The following FRMD6 variants were observed in gnomAD, a reference collection of about 807,000 sequenced individuals.
FRMD6 encodes FERM domain-containing protein 6.
Under a neutral mutation model 73.2 loss-of-function variants are expected in FRMD6, and 37 were observed. That is an observed-to-expected ratio of 0.51 (90% CI 0.39 to 0.66). The LOEUF (loss-of-function observed/expected upper bound fraction) is 0.66, where lower values mean the gene tolerates loss of function less well. Ranked by LOEUF, FRMD6 falls within the 30% of genes least tolerant of loss-of-function variation. The pLI is 0.00. For synonymous variants in FRMD6, 273 were observed against 282.2 expected, an observed-to-expected ratio of 0.97 and a Z score of 0.33; for missense variants, 714 against 780.5, an observed-to-expected ratio of 0.91 and a Z score of 1.02.
intron 2 of FRMD6, among the ~76,000 whole-genome samples, chr14:51,644,654 A>C (rs112079888): frequency 5.9e-5 from 9 of 152,354 alleles, no homozygotes; most frequent in African/African-American, 2.2e-4. Context: ...TCTGTATTGT[A>C]CATAAAACTA....
At position 51,515,942 on chromosome 14, in the gene FRMD6, A is replaced by G. The variant is rs573668653; in HGVS notation, c.-210+26522A>G. ...GGCTTTAAGGGAGCTGAGACACTGC[A>G]AAGTAGTTACTCTAGTAATGCAAAG... is the stretch of plus-strand genomic sequence containing the variant. On this transcript the variant is annotated intron_variant, in intron 1 of 14. Coordinates refer to the FRMD6 transcript ENST00000356218. Among the ~76,000 whole-genome samples the G allele has an allele frequency of 1.9e-4, 29 of 152,346 alleles. No homozygotes were observed. In the South Asian group the frequency reaches 4.6e-3, roughly 24 times the overall value.
chr14:51,451,394 G>A, the FRMD6 span, among the ~76,000 whole-genome samples: 2 of 152,198 alleles, frequency 1.3e-5, no homozygotes, highest in East Asian at 1.9e-4. Context: ...ATATATGTAT[G>A]ATAGAGTCTT....
chr14:51,586,542 T>G (rs1021326816), intron 2 of FRMD6, among the ~76,000 whole-genome samples: 74 of 152,280 alleles, frequency 4.9e-4, no homozygotes, highest in Non-Finnish European at 1.0e-4. Flanking sequence ...ACTCTCTTGA[T>G]TGTTTCTTTT....
intron 2 of FRMD6, among the ~76,000 whole-genome samples, chr14:51,580,146 G>GTGTGTA (rs1555323448): frequency 6.6e-6 from 1 of 152,052 alleles, no homozygotes; most frequent in Non-Finnish European, 1.5e-5. Flanking sequence ...GTGTGTGTGT[G>GTGTGTA]TGTATGTTTG....
the FRMD6 span, among the ~76,000 whole-genome samples, chr14:51,437,844 A>G: frequency 2.0e-5 from 3 of 152,204 alleles, no homozygotes; most frequent in Non-Finnish European, 2.9e-5. Flanking sequence ...ACTGTACAGA[A>G]TCAACACCAC....
At chr14:51,612,342 C>G (rs2139871142) in intron 2 of FRMD6, among the ~76,000 whole-genome samples, 1 of 152,294 alleles carries the variant, frequency 6.6e-6, no homozygotes, top group Middle Eastern at 3.4e-3. Context: ...CATGAAAACA[C>G]TCCATCTCTC....
chr14:51,705,668 A>G (rs1896583519), intron 6 of FRMD6, among the ~76,000 whole-genome samples: 1 of 152,090 alleles, frequency 6.6e-6, no homozygotes, highest in Non-Finnish European at 1.5e-5. Flanking sequence ...GGTAGTGTGT[A>G]TTTGATTTTT....
the FRMD6 span, among the ~76,000 whole-genome samples, chr14:51,452,001 A>G: frequency 6.6e-6 from 1 of 152,232 alleles, no homozygotes. Flanking sequence ...TGGGATGCCC[A>G]TGGAATGCTT....
At chr14:51,713,107 T>C (rs1055732510) in intron 9 of FRMD6, among the ~76,000 whole-genome samples, 1 of 144,842 alleles carries the variant, frequency 6.9e-6, no homozygotes, top group African/African-American at 2.4e-5. Flanking sequence ...GCTATATCCG[T>C]TTTTTGGTAG....
chr14:51,443,385 A>G, the FRMD6 span, among the ~76,000 whole-genome samples: 1 of 152,204 alleles, frequency 6.6e-6, no homozygotes, highest in African/African-American at 2.4e-5. Flanking sequence ...CAAAATGGAT[A>G]TGACTCAGCT....
At chr14:51,448,608 C>G in the FRMD6 span, among the ~76,000 whole-genome samples, 1 of 152,150 alleles carries the variant, frequency 6.6e-6, no homozygotes, top group Non-Finnish European at 1.5e-5. Context: ...AAAGAGGGAC[C>G]ATGGTCATTT....
the FRMD6 span, among the ~76,000 whole-genome samples, chr14:51,444,222 C>G: frequency 0.016 from 2,365 of 152,354 alleles, 30 homozygotes; most frequent in Middle Eastern, 0.051. Flanking sequence ...AGCCACCACG[C>G]CCAGCAGTGG....
At chr14:51,684,244 A>G (rs1158010484) in intron 1 of FRMD6, among the ~76,000 whole-genome samples, 1 of 151,906 alleles carries the variant, frequency 6.6e-6, no homozygotes, top group African/African-American at 2.4e-5. Flanking sequence ...ATTTTCAGGT[A>G]CTGTTATCAA....
chr14:51,490,743 A>T (rs543179664), intron 1 of FRMD6, among the ~76,000 whole-genome samples: 68 of 152,286 alleles, frequency 4.5e-4, no homozygotes, highest in African/African-American at 1.5e-3. Flanking sequence ...CAGAATTCTT[A>T]AGGTGGCCCA....
chr14:51,477,098 T>C, the FRMD6 span, among the ~76,000 whole-genome samples: 1 of 152,174 alleles, frequency 6.6e-6, no homozygotes, highest in Non-Finnish European at 1.5e-5. Context: ...GAAGAAAACT[T>C]TCCTGCCTGC....
At chr14:51,550,270 GT>G (rs61023115) in intron 1 of FRMD6, among the ~76,000 whole-genome samples, 19,153 of 151,876 alleles carry the variant, frequency 0.13, 1,449 homozygotes, top group Non-Finnish European at 0.16. Context: ...ACAATTACTG[GT>G]TCTGTTGTCC....
At chr14:51,402,749 C>G in the FRMD6 span, among the ~76,000 whole-genome samples, 2 of 151,892 alleles carry the variant, frequency 1.3e-5, no homozygotes, top group East Asian at 3.9e-4. Flanking sequence ...CGCCATTCTC[C>G]TGCCTCAGCC....
At chr14:51,606,774 G>A (rs2139839701) in intron 2 of FRMD6, among the ~76,000 whole-genome samples, 1 of 152,248 alleles carries the variant, frequency 6.6e-6, no homozygotes, top group South Asian at 2.1e-4. Context: ...TGGAGACTCT[G>A]GGATGCTCAG....
At position 51,698,158 on chromosome 14, in the gene FRMD6, A is replaced by G. The variant is rs1896066037; in HGVS notation, c.116A>G (p.His39Arg). The change falls in exon 3 of 14, where the codon CAC becomes CGC. Residue 39 changes from histidine to arginine, a missense_variant. Physicochemically the swap from His to Arg is conservative, Grantham distance 29. Coordinates refer to ENST00000344768, the MANE Select transcript of FRMD6 (RefSeq NM_001267046.2). ...CCCCTACAGGTTAAGATTCTGTGTCACCAGTTGCTGGTCCAGGTTTGTGAC... is the reference window on the plus strand; with the variant it reads ...CCCCTACAGGTTAAGATTCTGTGTCGCCAGTTGCTGGTCCAGGTTTGTGAC... ...NIIINVKILC[H>R]QLLVQVCDLL... is the part of the protein sequence containing the mutation. The G allele has an allele frequency of 1.2e-6, 2 of 1,612,038 alleles. No homozygotes were observed. Among genetic ancestry groups the G allele is most frequent in the South Asian group, 1.1e-5 (1 of 90,962 alleles).
Sources: gnomAD v4.1 joint callset for allele counts (sites outside exome capture counted in the v4.1 genomes callset) on GRCh38, gnomAD v4.1.1 for gene constraint, MANE v1.5 for transcripts, NCBI Gene and HGNC (gene_info 2026-07-23, HGNC 2026-07-21) for gene names.